SORCS1: variants seen among roughly 807,000 people sequenced by gnomAD.
SORCS1 encodes VPS10 domain-containing receptor SorCS1.
Under a neutral mutation model 146.1 loss-of-function variants are expected in SORCS1, and 60 were observed. The observed-to-expected ratio is 0.41, with a 90% CI of 0.33 to 0.51. SORCS1 has a LOEUF of 0.51. Among genes scored for constraint, SORCS1 ranks in the 20% least tolerant of loss-of-function variants. The pLI is 0.21. For missense variants in SORCS1, 1,352 were observed against 1,487.6 expected (o/e 0.91, Z 1.50); for synonymous variants, 637 against 584.0 (o/e 1.09, Z -1.31).
At chr10:107,138,952 T>C (rs1590220169) in intron 1 of SORCS1, among the ~76,000 whole-genome samples, 1 of 152,170 alleles carries the variant, frequency 6.6e-6, no homozygotes, top group African/African-American at 2.4e-5. Flanking sequence ...TCTTTTCCTC[T>C]TCTCTAGCCA....
chr10:106,951,718 G>A (rs1954694895), intron 2 of SORCS1, among the ~76,000 whole-genome samples: 1 of 152,158 alleles, frequency 6.6e-6, no homozygotes, highest in Admixed American at 6.5e-5. Context: ...TGTGCTCACT[G>A]CTCTGTTTAA....
intron 3 of SORCS1, among the ~76,000 whole-genome samples, chr10:106,783,388 A>G (rs1025421976): frequency 2.0e-5 from 3 of 152,250 alleles, no homozygotes; most frequent in African/African-American, 7.2e-5. Context: ...TGAAGATCAG[A>G]TAAGATTATC....
intron 5 of SORCS1, among the ~76,000 whole-genome samples, chr10:106,733,951 T>G (rs537581062): frequency 1.2e-3 from 182 of 152,326 alleles, no homozygotes; most frequent in African/African-American, 4.1e-3. Flanking sequence ...TTCTGTCTTT[T>G]ATCACTGAAC....
At chr10:107,124,958 T>C (rs1469932378) in intron 1 of SORCS1, among the ~76,000 whole-genome samples, 13 of 145,936 alleles carry the variant, frequency 8.9e-5, no homozygotes, top group African/African-American at 2.3e-4. Context: ...TTTTTCTTTT[T>C]TTTTTTTTTT....
chr10:106,940,177 T>C (rs1416216038), intron 2 of SORCS1, among the ~76,000 whole-genome samples: 1 of 152,218 alleles, frequency 6.6e-6, no homozygotes, highest in Non-Finnish European at 1.5e-5. Context: ...CTCCCTCAAG[T>C]GCAATGACAA....
intron 2 of SORCS1, among the ~76,000 whole-genome samples, chr10:106,836,019 A>AT (rs1948765656): frequency 6.6e-6 from 1 of 151,584 alleles, no homozygotes; most frequent in African/African-American, 2.4e-5. Flanking sequence ...AAAAAAAAAA[A>AT]TCCTAACAGA....
intron 18 of SORCS1, among the ~76,000 whole-genome samples, chr10:106,647,818 T>G (rs1849560462): frequency 6.6e-6 from 1 of 152,206 alleles, no homozygotes; most frequent in Non-Finnish European, 1.5e-5. Flanking sequence ...AATCACTAAT[T>G]TTCAAAATAT....
At chr10:106,694,186 C>T (rs991374004) in intron 9 of SORCS1, among the ~76,000 whole-genome samples, 8 of 152,154 alleles carry the variant, frequency 5.3e-5, no homozygotes, top group African/African-American at 1.7e-4. Context: ...TCTGTTGCCT[C>T]AACCAAAGAG....
At chr10:106,913,594 TGAG>T (rs893917988) in intron 2 of SORCS1, among the ~76,000 whole-genome samples, 3 of 152,192 alleles carry the variant, frequency 2.0e-5, no homozygotes, top group African/African-American at 7.2e-5. Context: ...CTGTGTATGG[TGAG>T]GAGGTTATTA....
intron 5 of SORCS1, among the ~76,000 whole-genome samples, chr10:106,755,827 G>A (rs886634849): frequency 6.6e-6 from 1 of 152,144 alleles, no homozygotes; most frequent in Non-Finnish European, 1.5e-5. Flanking sequence ...GGGCTTCTAA[G>A]CTGTTAAAAT....
chr10:106,825,348 T>C (rs955160087), intron 3 of SORCS1, among the ~76,000 whole-genome samples: 6 of 147,970 alleles, frequency 4.1e-5, no homozygotes, highest in African/African-American at 1.5e-4. Context: ...CTCAGCTCAC[T>C]GTAACGTCCG....
chr10:106,844,464 T>A (rs911076824), intron 2 of SORCS1, among the ~76,000 whole-genome samples: 2 of 152,084 alleles, frequency 1.3e-5, no homozygotes, highest in African/African-American at 2.4e-5. Context: ...AAGTTTTTAC[T>A]CAATTTTTAA....
intron 24 of SORCS1, among the ~76,000 whole-genome samples, chr10:106,583,743 G>A (rs1411976124): frequency 1.3e-5 from 2 of 151,676 alleles, no homozygotes; most frequent in Non-Finnish European, 2.9e-5. Context: ...CGCTAACCTT[G>A]AGTGATCCAC....
chr10:106,630,690 A>C (rs567799766), intron 18 of SORCS1, among the ~76,000 whole-genome samples: 2 of 152,356 alleles, frequency 1.3e-5, no homozygotes, highest in South Asian at 4.1e-4. Context: ...CAGATTAATT[A>C]GTCATCTGTA....
chr10:107,120,453 C>T (rs1409581582), intron 1 of SORCS1, among the ~76,000 whole-genome samples: 1 of 152,150 alleles, frequency 6.6e-6, no homozygotes, highest in Non-Finnish European at 1.5e-5. Flanking sequence ...TGGGAAGAGT[C>T]TGATTTAGAC....
At chr10:106,849,107 T>C (rs1223797351) in intron 2 of SORCS1, among the ~76,000 whole-genome samples, 1 of 145,844 alleles carries the variant, frequency 6.9e-6, no homozygotes, top group Non-Finnish European at 1.5e-5. Context: ...GCGTTCTCTG[T>C]ATTTCCTGAA....
chr10:107,130,070 A>G (rs1007411570), intron 1 of SORCS1, among the ~76,000 whole-genome samples: 28 of 152,212 alleles, frequency 1.8e-4, no homozygotes, highest in African/African-American at 6.8e-4. Context: ...AAGGAAGAAA[A>G]AATGTTTCAC....
At chr10:107,041,236 A>T (rs1418128045) in intron 1 of SORCS1, among the ~76,000 whole-genome samples, 1 of 152,130 alleles carries the variant, frequency 6.6e-6, no homozygotes, top group Non-Finnish European at 1.5e-5. Context: ...CCACATAGTG[A>T]TTTACCCAGG....
At position 107,044,512 on chromosome 10, in the gene SORCS1, TA is replaced by T. The variant is rs59253149; in HGVS notation, c.559-87933del. ...TTAAAAAATGTTTCATTCTAATTTG[TA>T]AAAAAAAAAAAAAAAAAAAAAAAAA... On this transcript the variant is annotated intron_variant, in intron 1 of 25. Coordinates refer to ENST00000263054, the MANE Select transcript of SORCS1 (RefSeq NM_052918.5). Among the ~76,000 whole-genome samples, 132 of 74,084 alleles carry T rather than the reference TA, an allele frequency of 1.8e-3. No individual in the cohort carries two copies. In the Middle Eastern group the frequency reaches 0.039, roughly 22 times the overall value. The allele number at this position is 74,084 out of a possible 152,430, so 48.6% of individuals were successfully genotyped here.
Sources: gnomAD v4.1 joint callset for allele counts (sites outside exome capture counted in the v4.1 genomes callset) on GRCh38, gnomAD v4.1.1 for gene constraint, MANE v1.5 for transcripts, NCBI Gene and HGNC (gene_info 2026-07-23, HGNC 2026-07-21) for gene names.